SNTG1: variants seen among roughly 807,000 people sequenced by gnomAD.
SNTG1 encodes the protein gamma-1-syntrophin.
Under a neutral mutation model 74.7 loss-of-function variants are expected in SNTG1, and 39 were observed. The ratio of observed to expected loss-of-function variants is 0.52; its 90% CI spans 0.40 to 0.68. SNTG1 has a LOEUF of 0.68. SNTG1 is among the 30% of genes least tolerant of loss of function. The pLI is 0.00. For missense variants in SNTG1, 685 were observed against 609.5 expected (o/e 1.12, Z -1.30); for synonymous variants, 254 against 217.1 (o/e 1.17, Z -1.49).
At chr8:50,592,192 G>C (rs566417221) in intron 13 of SNTG1, among the ~76,000 whole-genome samples, 205 of 152,196 alleles carry the variant, frequency 1.3e-3, no homozygotes, top group Non-Finnish European at 2.0e-3. Context: ...ATAGAAGAAA[G>C]TATCAGCTAT....
intron 13 of SNTG1, among the ~76,000 whole-genome samples, chr8:50,624,761 G>A (rs1000860459): frequency 7.2e-5 from 11 of 152,084 alleles, no homozygotes; most frequent in African/African-American, 2.2e-4. Context: ...TCCATTATTT[G>A]TAGGTTAGTT....
At chr8:50,519,677 C>A (rs1305578446) in intron 9 of SNTG1, among the ~76,000 whole-genome samples, 3 of 152,042 alleles carry the variant, frequency 2.0e-5, no homozygotes, top group African/African-American at 7.2e-5. Context: ...AACAGAGAGC[C>A]AAATCCTAAG....
At chr8:50,726,763 G>A (rs2095501242) in intron 17 of SNTG1, among the ~76,000 whole-genome samples, 1 of 152,102 alleles carries the variant, frequency 6.6e-6, no homozygotes, top group Non-Finnish European at 1.5e-5. Context: ...GCGGGAGAAA[G>A]GCGTGAAACC....
intron 12 of SNTG1, among the ~76,000 whole-genome samples, chr8:50,564,757 T>C (rs1384023036): frequency 1.3e-5 from 2 of 152,108 alleles, no homozygotes; most frequent in African/African-American, 4.8e-5. Flanking sequence ...AGAAGGCTAG[T>C]TTTTGCCTTA....
intron 8 of SNTG1, among the ~76,000 whole-genome samples, chr8:50,484,525 T>C (rs2131837509): frequency 6.6e-6 from 1 of 151,816 alleles, no homozygotes; most frequent in South Asian, 2.1e-4. Context: ...TGGATTTTCT[T>C]GATATAGACA....
rs550791335 is a variant in SNTG1 at position 49,958,462 on chromosome 8, C to A, written c.-103+46231C>A. Among the ~76,000 whole-genome samples, 433 of 151,670 alleles carry A rather than the reference C, an allele frequency of 2.9e-3. 1 individual carries two copies. Among genetic ancestry groups the A allele is most frequent in the Non-Finnish European group, 4.9e-3 (332 of 67,926 alleles). On this transcript the variant is annotated intron_variant, in intron 1 of 18. Coordinates refer to ENST00000642720, the MANE Select transcript of SNTG1 (RefSeq NM_018967.5). ...TTTTGGAGACAGTCTCGCTCTGTAG[C>A]CCAGGCCGGAACCCAGTGGTGTGAT...
chr8:50,780,248 C>G (rs1481932142), intron 18 of SNTG1, among the ~76,000 whole-genome samples: 1 of 152,104 alleles, frequency 6.6e-6, no homozygotes, highest in African/African-American at 2.4e-5. Context: ...CCCTCTTTTT[C>G]TATTGGTTGG....
intron 9 of SNTG1, among the ~76,000 whole-genome samples, chr8:50,523,487 G>C (rs1394887404): frequency 2.0e-5 from 3 of 152,068 alleles, no homozygotes; most frequent in Non-Finnish European, 4.4e-5. Flanking sequence ...GCCATTGTAG[G>C]GTTATTCTTT....
intron 13 of SNTG1, among the ~76,000 whole-genome samples, chr8:50,626,628 A>G (rs2094958161): frequency 6.6e-6 from 1 of 152,218 alleles, no homozygotes; most frequent in South Asian, 2.1e-4. Flanking sequence ...CTGGCTAGTT[A>G]CCTGCAGCAG....
At chr8:50,489,262 A>T (rs921565378) in intron 8 of SNTG1, among the ~76,000 whole-genome samples, 1 of 152,220 alleles carries the variant, frequency 6.6e-6, no homozygotes, top group Admixed American at 6.5e-5. Flanking sequence ...TTATAATAGA[A>T]TGATTTCTAA....
At position 50,793,880 on chromosome 8, in the gene SNTG1, G is replaced by C. The variant is rs1032075882; in HGVS notation, c.*1051G>C. The C allele has an allele frequency of 6.6e-6, 1 of 151,814 alleles. No homozygotes were observed. The highest frequency in any genetic ancestry group is 2.4e-5 in the African/African-American group (1 of 41,394). 9.4% of individuals were successfully genotyped at this position (151,814 alleles called of 1,614,324 possible). On this transcript the variant is annotated 3_prime_UTR_variant, in exon 19 of 19. Coordinates refer to ENST00000642720, the MANE Select transcript of SNTG1 (RefSeq NM_018967.5). ...ACAAAGGTGATATTTAAAGATAAAA[G>C]TTAAAATTCTTTAACCTCCCTTGTC...
chr8:49,997,363 A>AAT (rs1262231395), intron 1 of SNTG1, among the ~76,000 whole-genome samples: 1 of 152,064 alleles, frequency 6.6e-6, no homozygotes, highest in Non-Finnish European at 1.5e-5. Context: ...TAAGTATATA[A>AAT]ATATATTGTT....
At chr8:50,261,006 C>CT (rs1252085192) in intron 2 of SNTG1, among the ~76,000 whole-genome samples, 3 of 152,104 alleles carry the variant, frequency 2.0e-5, no homozygotes, top group African/African-American at 7.2e-5. Flanking sequence ...AGTGACAACT[C>CT]TTTTACAAGA....
chr8:49,945,291 G>A (rs763956673), intron 1 of SNTG1, among the ~76,000 whole-genome samples: 2 of 152,142 alleles, frequency 1.3e-5, no homozygotes, highest in Non-Finnish European at 2.9e-5. Flanking sequence ...TATGGCTACA[G>A]GATTGCCCTC....
At chr8:50,445,535 A>C (rs549055387) in intron 5 of SNTG1, among the ~76,000 whole-genome samples, 2 of 152,268 alleles carry the variant, frequency 1.3e-5, no homozygotes, top group African/African-American at 4.8e-5. Flanking sequence ...CATTCTCAAA[A>C]TGCTTTAGAT....
intron 2 of SNTG1, among the ~76,000 whole-genome samples, chr8:50,244,802 A>G (rs536511083): frequency 1.8e-4 from 28 of 152,190 alleles, no homozygotes; most frequent in Non-Finnish European, 3.2e-4. Flanking sequence ...AAAAACTTGC[A>G]GTCTCAAATA....
rs1169332163 is a variant in SNTG1, at chr8:50,123,664, T to C, written c.-102-48897T>C. On this transcript the variant is annotated intron_variant, in intron 1 of 18. Transcript: ENST00000642720. ...CAGAATAAAATCTGGTCTTCATGTA[T>C]ATGCAAAGCACAGATTCTTTTATTT... 1.4e-5 allele frequency among the ~76,000 whole-genome samples: 2 copies of C among 142,800 alleles called. 1 individual carries two copies. The highest frequency in any genetic ancestry group is 3.1e-5 in the Non-Finnish European group (2 of 64,044). 93.7% of individuals were successfully genotyped at this position (142,800 alleles called of 152,430 possible).
intron 2 of SNTG1, among the ~76,000 whole-genome samples, chr8:50,304,168 T>C (rs969198527): frequency 4.6e-5 from 7 of 152,124 alleles, no homozygotes; most frequent in Non-Finnish European, 7.4e-5. Flanking sequence ...GTGTGTTGCA[T>C]ATCTTGGGTG....
intron 2 of SNTG1, among the ~76,000 whole-genome samples, chr8:50,232,890 C>A (rs1365139896): frequency 2.0e-5 from 3 of 151,342 alleles, no homozygotes; most frequent in Non-Finnish European, 3.0e-5. Context: ...AGGACTTTAA[C>A]CCGAAAACTC....
Sources: gnomAD v4.1 joint callset for allele counts (sites outside exome capture counted in the v4.1 genomes callset) on GRCh38, gnomAD v4.1.1 for gene constraint, MANE v1.5 for transcripts, NCBI Gene and HGNC (gene_info 2026-07-23, HGNC 2026-07-21) for gene names.